The following SLC18A1 variants were observed in gnomAD, a reference collection of about 807,000 sequenced individuals.
SLC18A1 encodes chromaffin granule amine transporter.
In SLC18A1, 69 loss-of-function variants were observed where a neutral mutation model predicts 53.7. The observed-to-expected ratio is 1.28, with a 90% confidence interval of 1.06 to 1.57. The LOEUF is 1.57. SLC18A1 is among the 40% of genes most tolerant of loss of function. SLC18A1 has a pLI of 0.00. For synonymous variants in SLC18A1, 320 were observed against 248.1 expected (o/e 1.29, Z -2.72); for missense variants, 932 against 668.1 (o/e 1.40, Z -4.35).
At chr8:20,150,807 C>A (rs368135653) in intron 10 of SLC18A1, 63 bp from the exon 11 acceptor site, 1 of 1,406,244 alleles carries the variant, frequency 7.1e-7, no homozygotes, top group South Asian at 1.2e-5. Flanking sequence ...TGCCTTGTCT[C>A]GTACAAGACA....
intron 10 of SLC18A1, among the ~76,000 whole-genome samples, chr8:20,159,634 C>CAAAAATAAAAAAA (rs2071768782): frequency 1.2e-5 from 1 of 81,510 alleles, no homozygotes; most frequent in Non-Finnish European, 2.8e-5. Flanking sequence ...TTGCAGCTGC[C>CAAAAATAAAAAAA]AAAAAAAAAA....
At chr8:20,173,794 G>A (rs2072185765) in intron 5 of SLC18A1, among the ~76,000 whole-genome samples, 1 of 152,262 alleles carries the variant, frequency 6.6e-6, no homozygotes, top group South Asian at 2.1e-4. Context: ...CTTCACTGGA[G>A]GCTTGCTCTG....
At chr8:20,171,566 A>AC in intron 6 of SLC18A1, 72 bp from the exon 7 acceptor site, 1 of 1,235,156 alleles carries the variant, frequency 8.1e-7, no homozygotes, top group Non-Finnish European at 1.2e-6. Flanking sequence ...ATCCATATTT[A>AC]CCCCGTGAGC....
chr8:20,159,850 C>T (rs1271096828), intron 10 of SLC18A1, among the ~76,000 whole-genome samples: 1 of 152,056 alleles, frequency 6.6e-6, no homozygotes, highest in East Asian at 1.9e-4. Flanking sequence ...AGTGGCATGT[C>T]AGGACTTGAG....
At chr8:20,180,545 C>T (rs2072398363) in intron 2 of SLC18A1, among the ~76,000 whole-genome samples, 1 of 152,188 alleles carries the variant, frequency 6.6e-6, no homozygotes. Flanking sequence ...CTTGAGAAGA[C>T]AGTGTGGGGA....
intron 12 of SLC18A1, chr8:20,148,554 C>A: frequency 9.7e-7 from 1 of 1,032,218 alleles, no homozygotes; most frequent in Non-Finnish European, 1.3e-6. Context: ...GCCCCAACAA[C>A]CAGTTAGCTG....
In SLC18A1 at chr8:20,171,103, C is replaced by T; in HGVS notation, c.858G>A (p.Glu286=). Residue 286 remains glutamate, a splice_region_variant and synonymous_variant, in exon 8 of 16, where the codon GAG becomes GAA. Transcript: ENST00000276373. ...CILQPSKVSP[E]SAKGTPLFML... is the part of the protein sequence containing the mutation. ...GAAATGGAGCTTTGTGTCTGCTTAC[C>T]TCAGGAGAGACTTTGGAAGGCTGTA... 1 of 1,614,086 alleles carries T rather than the reference C, an allele frequency of 6.2e-7. No individual in the cohort carries two copies. The highest frequency in any genetic ancestry group is 8.5e-7 in the Non-Finnish European group (1 of 1,179,966).
intron 2 of SLC18A1, among the ~76,000 whole-genome samples, chr8:20,180,164 A>G (rs1370556676): frequency 6.8e-6 from 1 of 146,056 alleles, no homozygotes; most frequent in African/African-American, 2.7e-5. Context: ...GCAATGATTC[A>G]GTATTCACTA....
chr8:20,164,968 G>A lies in SLC18A1; in HGVS notation c.920-4C>T. 6.2e-7 allele frequency: 1 copy of A among 1,613,966 alleles called. No individual in the cohort carries two copies. Among genetic ancestry groups the A allele is most frequent in the Non-Finnish European group, 8.5e-7 (1 of 1,179,924 alleles). ...ATGTTGGCAAAGCAGATGGACCCTG[G>A]GGAGACTGTTCTGTGAGCAGCCGTG... On this transcript the variant is annotated splice_region_variant and splice_polypyrimidine_tract_variant and intron_variant, in intron 9 of 15. Transcript: ENST00000276373.
rs1274557075 is a variant in SLC18A1 at position 20,171,443 on chromosome 8, G to C, written c.776C>G (p.Pro259Arg). The C allele has an allele frequency of 6.2e-7, 1 of 1,614,140 alleles. No individual in the cohort carries two copies. Among genetic ancestry groups the C allele is most frequent in the Non-Finnish European group, 8.5e-7 (1 of 1,180,006 alleles). ...VMYEFVGKSA[P>R]FLILAFLALL... ...TGCCAGGAAGGCCAGGATGAGGAAG[G>C]GTGCAGACTTCCCAACAAACTCGTA... is the stretch of plus-strand genomic sequence containing the variant. The change falls in exon 7 of 16, where the codon CCC becomes CGC. Residue 259 changes from proline (P) to arginine (R), a missense_variant. Transcript: ENST00000276373.
intron 12 of SLC18A1, 83 bp downstream of exon 12, chr8:20,149,593 T>TCC: frequency 3.6e-6 from 2 of 548,840 alleles, no homozygotes; most frequent in Admixed American, 3.6e-5. Context: ...TCTCTCCCTC[T>TCC]CTCTCTCTCT....
In SLC18A1 at chr8:20,171,484, G is replaced by C. The variant is rs148158023; in HGVS notation, c.735C>G (p.Pro245=). The C allele has an allele frequency of 6.2e-7, 1 of 1,613,868 alleles. No individual in the cohort carries two copies. Among genetic ancestry groups the C allele is most frequent in the African/African-American group, 1.3e-5 (1 of 74,930 alleles). The change falls in exon 7 of 16, where the codon CCC becomes CCG. Residue 245 remains proline (P), a synonymous_variant. Transcript: ENST00000276373. ...GLALGLLVGA[P]FGSVMYEFVG... ...CAAACTCGTACATTACACTTCCAAA[G>C]GGAGCTCCCACTGGAGAGGCATAGG...
At chr8:20,149,596 CTCTCTCTCTCTCTCTCTCTCTG>C in intron 12 of SLC18A1, 58 bp downstream of exon 12, 1 of 1,107,980 alleles carries the variant, frequency 9.0e-7, no homozygotes. Context: ...CTCCCTCTCT[CTCTCTCTCTCTCTCTCTCTCTG>C]TCTGTCTGTC....
At chr8:20,180,771 A>C (rs545014697) in intron 2 of SLC18A1, 70 bp downstream of exon 2, 9 of 1,572,088 alleles carry the variant, frequency 5.7e-6, no homozygotes, top group Non-Finnish European at 7.8e-6. Flanking sequence ...TGTTGAACTC[A>C]AGCAGGGTGT....
intron 10 of SLC18A1, among the ~76,000 whole-genome samples, chr8:20,154,909 A>G (rs950542130): frequency 2.0e-5 from 3 of 152,108 alleles, no homozygotes; most frequent in African/African-American, 7.2e-5. Context: ...CAGGGTGTCC[A>G]CTGCACTTCT....
intron 4 of SLC18A1, among the ~76,000 whole-genome samples, chr8:20,176,689 A>G (rs999734779): frequency 6.6e-6 from 1 of 152,220 alleles, no homozygotes; most frequent in South Asian, 2.1e-4. Context: ...AGGATACCCT[A>G]AACATCAAAT....
chr8:20,155,114 C>A (rs1004598884), intron 10 of SLC18A1, among the ~76,000 whole-genome samples: 1 of 152,188 alleles, frequency 6.6e-6, no homozygotes, highest in African/African-American at 2.4e-5. Context: ...TCCTTGGAAT[C>A]TGTGAGGCCA....
chr8:20,153,207 C>T (rs2071602350), intron 10 of SLC18A1, among the ~76,000 whole-genome samples: 1 of 146,850 alleles, frequency 6.8e-6, no homozygotes, highest in African/African-American at 2.5e-5. Flanking sequence ...AGACCAACAG[C>T]GTGGTTGTGC....
chr8:20,164,732 G>A (rs1378932546), intron 10 of SLC18A1, 137 bp downstream of exon 10: 6 of 649,060 alleles, frequency 9.2e-6, no homozygotes, highest in Non-Finnish European at 1.3e-5. Context: ...CACCCTCTTG[G>A]GCTTGATTCA....
Sources: allele counts gnomAD v4.1 joint callset (sites outside exome capture counted in the v4.1 genomes callset), GRCh38; gene constraint gnomAD v4.1.1; transcripts MANE v1.5; gene names NCBI Gene and HGNC (gene_info 2026-07-23, HGNC 2026-07-21).